The following THSD7B variants were observed in gnomAD, a reference collection of about 807,000 sequenced individuals.
THSD7B encodes thrombospondin type 1 domain containing 7B.
In THSD7B, 138 loss-of-function variants were observed where a neutral mutation model predicts 213.6. That is an observed-to-expected ratio of 0.65 (90% CI 0.56 to 0.74). The LOEUF (loss-of-function observed/expected upper bound fraction) is 0.74, where lower values mean the gene tolerates loss of function less well. THSD7B is among the 30% of genes least tolerant of loss of function. The pLI, the probability that THSD7B is intolerant of heterozygous loss-of-function variation, is 0.00. For synonymous variants in THSD7B, 742 were observed against 687.0 expected, an observed-to-expected ratio of 1.08 and a Z score of -1.25; for missense variants, 1,931 against 1,991.5, an observed-to-expected ratio of 0.97 and a Z score of 0.58.
intron 1 of THSD7B, among the ~76,000 whole-genome samples, chr2:136,781,267 ATTTTTTTT>A (rs10687137): frequency 2.4e-5 from 3 of 125,802 alleles, no homozygotes; most frequent in Non-Finnish European, 4.9e-5. Context: ...TACCAGTTCT[ATTTTTTTT>A]TTTTTTTTTG....
chr2:137,433,272 G>C lies in THSD7B; in HGVS notation c.2960-17573G>C, dbSNP rs189099534. On this transcript the variant is annotated intron_variant, in intron 14 of 27. Coordinates refer to ENST00000409968, the MANE Select transcript of THSD7B (RefSeq NM_001316349.2). ...GTGAAGGATAAGTAGTTGTGTAATAGGCAAAGAACACTCTTTTGGACACAA... is the reference window on the plus strand; with the variant it reads ...GTGAAGGATAAGTAGTTGTGTAATACGCAAAGAACACTCTTTTGGACACAA... Among the ~76,000 whole-genome samples the C allele has an allele frequency of 2.6e-4, 39 of 152,184 alleles. No homozygotes were observed. In the East Asian group the frequency reaches 7.1e-3, roughly 28 times the overall value.
chr2:137,137,901 G>T (rs1275203950), intron 5 of THSD7B, among the ~76,000 whole-genome samples: 1 of 96,282 alleles, frequency 1.0e-5, no homozygotes, highest in South Asian at 2.8e-4. Context: ...ATGCAATAAT[G>T]AATATTCTTT....
chr2:137,537,334 AT>A (rs1427196976), intron 15 of THSD7B, among the ~76,000 whole-genome samples: 1 of 151,744 alleles, frequency 6.6e-6, no homozygotes, highest in East Asian at 1.9e-4. Context: ...GTGATTAAGG[AT>A]TTTTAATGTT....
At chr2:137,676,497 A>G (rs1429537037) in intron 27 of THSD7B, 27 bp from the exon 28 acceptor site, 1 of 1,562,564 alleles carries the variant, frequency 6.4e-7, no homozygotes, top group Non-Finnish European at 8.6e-7. Context: ...AACTTACTTG[A>G]TCTGAGGAAT....
intron 2 of THSD7B, among the ~76,000 whole-genome samples, chr2:136,927,526 C>T (rs1158349937): frequency 6.6e-6 from 1 of 152,164 alleles, no homozygotes; most frequent in Non-Finnish European, 1.5e-5. Context: ...CAGGGATGAA[C>T]CATTGTTCAA....
intron 15 of THSD7B, among the ~76,000 whole-genome samples, chr2:137,462,900 T>A (rs908810366): frequency 3.3e-5 from 5 of 151,932 alleles, no homozygotes; most frequent in African/African-American, 4.8e-5. Context: ...AAGAAAAAAA[T>A]TGTATGCTGA....
intron 3 of THSD7B, among the ~76,000 whole-genome samples, chr2:137,092,058 G>A (rs528032584): frequency 3.9e-5 from 6 of 152,266 alleles, no homozygotes; most frequent in African/African-American, 1.4e-4. Context: ...GAATTGAACA[G>A]TAACAATGAG....
intron 1 of THSD7B, among the ~76,000 whole-genome samples, chr2:136,786,740 GT>G (rs1448208329): frequency 2.0e-5 from 3 of 152,110 alleles, no homozygotes; most frequent in Admixed American, 6.6e-5. Flanking sequence ...GCAGTTACGT[GT>G]TTCCCCTTCT....
At chr2:137,370,008 T>C (rs1685508494) in intron 12 of THSD7B, among the ~76,000 whole-genome samples, 1 of 152,174 alleles carries the variant, frequency 6.6e-6, no homozygotes, top group African/African-American at 2.4e-5. Flanking sequence ...TTTTGTTGTG[T>C]CATTTTTGTT....
intron 1 of THSD7B, among the ~76,000 whole-genome samples, chr2:136,827,150 T>C (rs1291188905): frequency 6.6e-6 from 1 of 152,212 alleles, no homozygotes; most frequent in Non-Finnish European, 1.5e-5. Context: ...ATTATTGGTT[T>C]CTCTGGCAGT....
chr2:136,806,100 T>G (rs981418612), intron 1 of THSD7B, among the ~76,000 whole-genome samples: 1 of 152,210 alleles, frequency 6.6e-6, no homozygotes, highest in South Asian at 2.1e-4. Context: ...AAATATAACT[T>G]GGCCACAGCA....
chr2:137,404,982 T>C (rs1022029144), intron 12 of THSD7B, among the ~76,000 whole-genome samples: 5 of 151,992 alleles, frequency 3.3e-5, no homozygotes, highest in Non-Finnish European at 2.9e-5. Flanking sequence ...ATACCACCTG[T>C]ACCCCAATAA....
At chr2:137,290,700 G>C (rs535490335) in intron 12 of THSD7B, among the ~76,000 whole-genome samples, 1 of 152,082 alleles carries the variant, frequency 6.6e-6, no homozygotes, top group Non-Finnish European at 1.5e-5. Context: ...AATCACCTTA[G>C]AGACAATATA....
chr2:137,598,887 T>A (rs562022130), intron 17 of THSD7B, among the ~76,000 whole-genome samples: 11,315 of 151,146 alleles, frequency 0.075, 1,001 homozygotes, highest in African/African-American at 0.21. Flanking sequence ...CTTTTTTTTT[T>A]TTATTATTAT....
chr2:137,503,447 G>T (rs1002468009), intron 15 of THSD7B, among the ~76,000 whole-genome samples: 1 of 151,772 alleles, frequency 6.6e-6, no homozygotes, highest in Non-Finnish European at 1.5e-5. Context: ...AACATGTTAC[G>T]TACTGAGGGA....
chr2:137,314,446 G>T (rs562917489), intron 12 of THSD7B, among the ~76,000 whole-genome samples: 1 of 152,062 alleles, frequency 6.6e-6, no homozygotes, highest in Non-Finnish European at 1.5e-5. Context: ...TTTGCCTTTG[G>T]TTTGAATGTC....
chr2:137,598,369 T>TTCATG (rs1682005082), intron 17 of THSD7B, among the ~76,000 whole-genome samples: 1 of 152,198 alleles, frequency 6.6e-6, no homozygotes, highest in Non-Finnish European at 1.5e-5. Context: ...AGCAAAATTT[T>TTCATG]AGCAAGGAAA....
intron 4 of THSD7B, among the ~76,000 whole-genome samples, chr2:137,102,074 G>A (rs1340370229): frequency 1.3e-5 from 2 of 152,186 alleles, no homozygotes; most frequent in Admixed American, 1.3e-4. Context: ...GTGGGTCCCT[G>A]ACCCCCATGC....
intron 3 of THSD7B, among the ~76,000 whole-genome samples, chr2:137,073,393 G>A (rs1174726152): frequency 6.6e-6 from 1 of 152,214 alleles, no homozygotes; most frequent in Non-Finnish European, 1.5e-5. Context: ...TATTTGTGTA[G>A]AGGTGTTTAT....
Sources: gnomAD v4.1 joint callset for allele counts (sites outside exome capture counted in the v4.1 genomes callset) on GRCh38, gnomAD v4.1.1 for gene constraint, MANE v1.5 for transcripts, NCBI Gene and HGNC (gene_info 2026-07-23, HGNC 2026-07-21) for gene names.